Variants in SSBP3 observed in about 807,000 individuals in gnomAD.
SSBP3 encodes the protein single-stranded DNA-binding protein 3.
Under a neutral mutation model 69.6 loss-of-function variants are expected in SSBP3, and 5 were observed. The observed-to-expected ratio is 0.07, with a 90% CI of 0.04 to 0.15. The LOEUF (loss-of-function observed/expected upper bound fraction) is 0.15. Ranked by LOEUF, SSBP3 falls within the 10% of genes least tolerant of loss-of-function variation. SSBP3 has a pLI of 1.00. For missense variants in SSBP3, 312 were observed against 534.0 expected (o/e 0.58, Z 4.10); for synonymous variants, 196 against 193.4 (o/e 1.01, Z -0.11).
intron 4 of SSBP3, among the ~76,000 whole-genome samples, chr1:54,373,067 T>C (rs1350535580): frequency 6.6e-6 from 1 of 152,246 alleles, no homozygotes; most frequent in African/African-American, 2.4e-5. Context: ...TGACTCTGTG[T>C]GCCTGGGCCC....
chr1:54,257,113 A>G lies in SSBP3; in HGVS notation c.507+14T>C. ...GCTGAGGGAGGGGAGAGAGAACATG[A>G]AAAGGTACAGTACCTGGTTTCCCAT... On this transcript the variant is annotated intron_variant, in intron 7 of 17. Transcript: ENST00000610401. 1.9e-6 allele frequency: 3 copies of G among 1,598,340 alleles called. No individual in the cohort carries two copies. Among genetic ancestry groups the G allele is most frequent in the Non-Finnish European group, 2.6e-6 (3 of 1,174,394 alleles).
chr1:54,302,034 A>G (rs74071644), intron 4 of SSBP3, among the ~76,000 whole-genome samples: 6,263 of 148,148 alleles, frequency 0.042, 440 homozygotes, highest in African/African-American at 0.14. Flanking sequence ...CTACAGCTCC[A>G]GAGGGCGGCT....
intron 17 of SSBP3, among the ~76,000 whole-genome samples, chr1:54,227,982 C>G (rs1404178202): frequency 6.6e-6 from 1 of 152,222 alleles, no homozygotes; most frequent in Non-Finnish European, 1.5e-5. Flanking sequence ...CCCCAACTCT[C>G]TCAGCCCAGG....
rs555649964 is a variant in SSBP3, at chr1:54,292,839, A to C, written c.277-11312T>G. ...TACCTGATACCCCTAGGAACCAAAA[A>C]CAGCCATTCTAGATAACTCAGATTC... On this transcript the variant is annotated intron_variant, in intron 4 of 17. Transcript: ENST00000610401. 1.9e-3 allele frequency among the ~76,000 whole-genome samples: 296 copies of C among 152,146 alleles called. 2 individuals are homozygous for C. The highest frequency in any genetic ancestry group is 3.2e-3 in the Non-Finnish European group (219 of 67,984).
intron 5 of SSBP3, among the ~76,000 whole-genome samples, chr1:54,273,780 G>C (rs771770433): frequency 1.3e-5 from 2 of 152,222 alleles, no homozygotes; most frequent in African/African-American, 4.8e-5. Flanking sequence ...GTATCCCAGA[G>C]TGTCCCACTC....
rs112645518 is a variant in SSBP3 at position 54,352,014 on chromosome 1, G to C, written c.276+49847C>G. Reference sequence around the variant, plus strand: ...AAAACACATGAAGACCCCCGATCTTGGCCAGGCCTGGTGGCGCATGCCTGT... The same window carrying C: ...AAAACACATGAAGACCCCCGATCTTCGCCAGGCCTGGTGGCGCATGCCTGT... On this transcript the variant is annotated intron_variant, in intron 4 of 17. Coordinates refer to ENST00000610401, the Ensembl canonical transcript of SSBP3. Among the ~76,000 whole-genome samples, 882 of 152,296 alleles carry C rather than the reference G, an allele frequency of 5.8e-3. 15 individuals carry two copies. The highest frequency in any genetic ancestry group is 0.02 in the African/African-American group (849 of 41,556).
chr1:54,343,752 C>T (rs1569875507), intron 4 of SSBP3, among the ~76,000 whole-genome samples: 1 of 152,184 alleles, frequency 6.6e-6, no homozygotes, highest in Non-Finnish European at 1.5e-5. Context: ...CATAAGGTCA[C>T]CCTGGCACAG....
chr1:54,292,630 C>G (rs963698226), intron 4 of SSBP3, among the ~76,000 whole-genome samples: 2 of 152,172 alleles, frequency 1.3e-5, no homozygotes, highest in Non-Finnish European at 2.9e-5. Context: ...CGCACTCAGA[C>G]CAGACAGCGG....
chr1:54,260,620 C>A (rs1007555947), intron 5 of SSBP3, among the ~76,000 whole-genome samples: 11 of 152,206 alleles, frequency 7.2e-5, no homozygotes, highest in Admixed American at 1.3e-4. Context: ...GGAGACCAGT[C>A]CCTGGATAAG....
At chr1:54,257,076 G>T in intron 7 of SSBP3, 51 bp downstream of exon 7, 2 of 1,557,596 alleles carry the variant, frequency 1.3e-6, no homozygotes, top group South Asian at 1.2e-5. Context: ...AGTCCACCTA[G>T]GGCCAAGGAT....
chr1:54,412,677 A>G (rs541033466), intron 1 of SSBP3: 3 of 152,254 alleles, frequency 2.0e-5, no homozygotes, highest in Non-Finnish European at 4.4e-5. Context: ...TGTACGCTAT[A>G]AAAGAGTTAC....
chr1:54,242,325 A>G (rs1314868135), intron 10 of SSBP3, 113 bp from the exon 11 acceptor site: 2 of 1,288,004 alleles, frequency 1.6e-6, no homozygotes, highest in African/African-American at 1.5e-5. Context: ...AGTCCTTCCT[A>G]CAGCCCTGCG....
chr1:54,309,891 A>G (rs1267410491), intron 4 of SSBP3, among the ~76,000 whole-genome samples: 1 of 152,212 alleles, frequency 6.6e-6, no homozygotes, highest in Admixed American at 6.5e-5. Context: ...TTTCCAAAAC[A>G]GAACTGTCCT....
At chr1:54,269,145 C>T (rs556401956) in intron 5 of SSBP3, among the ~76,000 whole-genome samples, 5 of 152,278 alleles carry the variant, frequency 3.3e-5, no homozygotes, top group Admixed American at 3.3e-4. Flanking sequence ...CACAGCCTTC[C>T]TTATTAGCCC....
At chr1:54,407,345 C>G (rs191770570), upstream of SSBP3, among the ~76,000 whole-genome samples, 130 of 152,056 alleles carry the variant, frequency 8.5e-4, no homozygotes, top group Middle Eastern at 6.8e-3. Context: ...AATCTGCAAA[C>G]TTCAAATAAA....
At chr1:54,348,430 C>T (rs1230261869) in intron 4 of SSBP3, among the ~76,000 whole-genome samples, 1 of 152,186 alleles carries the variant, frequency 6.6e-6, no homozygotes, top group East Asian at 1.9e-4. Flanking sequence ...TTCTCCCTCA[C>T]ACACCTGAGG....
chr1:54,290,611 G>A (rs1216267241), intron 4 of SSBP3, among the ~76,000 whole-genome samples: 2 of 152,226 alleles, frequency 1.3e-5, no homozygotes, highest in Non-Finnish European at 2.9e-5. Context: ...GAAGCACCCG[G>A]CTTCTTCTGG....
chr1:54,327,599 TC>T (rs1279783306), intron 4 of SSBP3, among the ~76,000 whole-genome samples: 1 of 152,210 alleles, frequency 6.6e-6, no homozygotes, highest in East Asian at 1.9e-4. Flanking sequence ...TTTTAATGAT[TC>T]TGCAGCTGCT....
chr1:54,295,776 C>T (rs994788730), intron 4 of SSBP3, among the ~76,000 whole-genome samples: 1 of 152,192 alleles, frequency 6.6e-6, no homozygotes, highest in Non-Finnish European at 1.5e-5. Flanking sequence ...TGGTCCCCAG[C>T]CTTTGCACAT....
Sources: gnomAD v4.1 joint callset for allele counts (sites outside exome capture counted in the v4.1 genomes callset) on GRCh38, gnomAD v4.1.1 for gene constraint, MANE v1.5 for transcripts, NCBI Gene and HGNC (gene_info 2026-07-23, HGNC 2026-07-21) for gene names.